Variants in TENM2 observed in about 807,000 individuals in gnomAD.
TENM2 encodes the protein teneurin-2.
A neutral mutation model predicts 245.2 loss-of-function variants in TENM2; 52 were observed. The ratio of observed to expected loss-of-function variants is 0.21; its 90% CI spans 0.17 to 0.27. The LOEUF is 0.27. Ranked by LOEUF, TENM2 falls within the 10% of genes least tolerant of loss-of-function variation. The probability of loss-of-function intolerance (pLI) is 1.00; values close to 1 mark genes in which losing one functional copy is unlikely to be tolerated. For missense variants in TENM2, 3,046 were observed against 3,666.8 expected, an observed-to-expected ratio of 0.83 and a Z score of 4.37; for synonymous variants, 1,363 against 1,438.9, an observed-to-expected ratio of 0.95 and a Z score of 1.19.
At chr5:167,481,647 A>G (rs1287027698) in intron 2 of TENM2, among the ~76,000 whole-genome samples, 1 of 152,176 alleles carries the variant, frequency 6.6e-6, no homozygotes, top group Non-Finnish European at 1.5e-5. Flanking sequence ...ATTTTCAAAG[A>G]TGAAATAAGT....
intron 2 of TENM2, among the ~76,000 whole-genome samples, chr5:167,772,889 C>T (rs1582970420): frequency 1.3e-5 from 2 of 152,238 alleles, no homozygotes; most frequent in East Asian, 3.9e-4. Context: ...TAATTCTTTT[C>T]TTTCCTCCAG....
the TENM2 span, among the ~76,000 whole-genome samples, chr5:167,012,566 A>G: frequency 1.3e-5 from 2 of 152,198 alleles, no homozygotes; most frequent in African/African-American, 4.8e-5. Flanking sequence ...GATCTGAGTA[A>G]TGAGATACAA....
rs563767796 is a variant in TENM2 at position 167,841,955 on chromosome 5, GTCTC to G, written c.503-34025_503-34022del. On this transcript the variant is annotated intron_variant, in intron 2 of 28. Coordinates refer to ENST00000518659, the Ensembl canonical transcript of TENM2. ...TATGTATGTATATTTATATGTTTTT[GTCTC>G]TCTCTATATATACACACACATACAT... Among the ~76,000 whole-genome samples the G allele has an allele frequency of 6.7e-3, 1,008 of 151,382 alleles. 8 individuals carry two copies. Among genetic ancestry groups the G allele is most frequent in the African/African-American group, 0.023 (947 of 41,226 alleles).
the TENM2 span, among the ~76,000 whole-genome samples, chr5:167,014,418 C>G: frequency 6.6e-6 from 1 of 151,870 alleles, no homozygotes; most frequent in South Asian, 2.1e-4. Context: ...CTTTTCCTAA[C>G]TATATTGTAA....
chr5:167,585,435 G>A (rs1278871957), intron 2 of TENM2, among the ~76,000 whole-genome samples: 7 of 152,200 alleles, frequency 4.6e-5, no homozygotes. Context: ...AATACAGATT[G>A]TCTGTTGAAT....
the TENM2 span, among the ~76,000 whole-genome samples, chr5:166,997,091 T>C: frequency 6.6e-6 from 1 of 152,128 alleles, no homozygotes; most frequent in Non-Finnish European, 1.5e-5. Flanking sequence ...GAAACATGTG[T>C]GTAATACTAT....
intron 5 of TENM2, among the ~76,000 whole-genome samples, chr5:168,033,959 A>G (rs1267447869): frequency 2.0e-5 from 3 of 151,588 alleles, no homozygotes; most frequent in African/African-American, 7.3e-5. Context: ...CCTGGGAGGC[A>G]GAGCTTACAG....
chr5:167,158,562 C>T, the TENM2 span, among the ~76,000 whole-genome samples: 464 of 152,256 alleles, frequency 3.0e-3, 3 homozygotes, highest in Non-Finnish European at 4.4e-3. Flanking sequence ...GAGAAGGCCA[C>T]GGTGCCAGCT....
intron 1 of TENM2, among the ~76,000 whole-genome samples, chr5:167,298,279 G>A (rs999330252): frequency 3.3e-5 from 5 of 152,182 alleles, no homozygotes; most frequent in Non-Finnish European, 7.3e-5. Flanking sequence ...AATTATTGGT[G>A]ATGGCCTGGA....
intron 1 of TENM2, among the ~76,000 whole-genome samples, chr5:167,354,871 C>T (rs1418008735): frequency 6.6e-6 from 1 of 152,058 alleles, no homozygotes. Context: ...CCTTTTCATC[C>T]CATCCTTTTA....
chr5:167,794,995 C>A (rs115712715), intron 2 of TENM2, among the ~76,000 whole-genome samples: 30 of 152,264 alleles, frequency 2.0e-4, no homozygotes, highest in African/African-American at 6.7e-4. Flanking sequence ...CTTTTCTATA[C>A]TCTAACATTA....
intron 7 of TENM2, among the ~76,000 whole-genome samples, chr5:168,072,514 C>T (rs1030798860): frequency 3.3e-5 from 5 of 152,136 alleles, no homozygotes; most frequent in Non-Finnish European, 7.3e-5. Context: ...TTAAAAGCAT[C>T]GGCTCTGCCT....
chr5:168,079,643 C>T (rs1206392997), intron 7 of TENM2, among the ~76,000 whole-genome samples: 9 of 151,946 alleles, frequency 5.9e-5, no homozygotes, highest in Admixed American at 3.3e-4. Flanking sequence ...GCATGAAGGG[C>T]TGTTGAATTT....
At chr5:167,924,518 G>A (rs1583383413) in intron 3 of TENM2, among the ~76,000 whole-genome samples, 1 of 152,174 alleles carries the variant, frequency 6.6e-6, no homozygotes, top group Non-Finnish European at 1.5e-5. Flanking sequence ...TCATGACATA[G>A]GTTAGCACTT....
At chr5:167,458,493 AC>A (rs374666798) in intron 2 of TENM2, among the ~76,000 whole-genome samples, 3,886 of 75,488 alleles carry the variant, frequency 0.051, 289 homozygotes, top group South Asian at 0.1. Flanking sequence ...TCTCAAAAAA[AC>A]AAAAAAAAAA....
chr5:167,961,152 T>G (rs1780983993), intron 4 of TENM2, among the ~76,000 whole-genome samples: 1 of 152,244 alleles, frequency 6.6e-6, no homozygotes, highest in Non-Finnish European at 1.5e-5. Flanking sequence ...TCGGCCATCT[T>G]GCCAGCCAGC....
At chr5:167,532,718 A>G (rs1299265147) in intron 2 of TENM2, among the ~76,000 whole-genome samples, 1 of 151,526 alleles carries the variant, frequency 6.6e-6, no homozygotes, top group Non-Finnish European at 1.5e-5. Flanking sequence ...ATATATGTAT[A>G]TATACACACA....
the TENM2 span, among the ~76,000 whole-genome samples, chr5:167,275,355 T>C: frequency 6.6e-6 from 1 of 152,104 alleles, no homozygotes; most frequent in African/African-American, 2.4e-5. Flanking sequence ...TCTTGTGCCT[T>C]TCTATATATA....
the TENM2 span, among the ~76,000 whole-genome samples, chr5:167,190,636 G>A: frequency 1.3e-5 from 2 of 152,018 alleles, no homozygotes; most frequent in Admixed American, 1.3e-4. Flanking sequence ...CATGGTATCA[G>A]GAGAAGAGAG....
Sources: allele counts gnomAD v4.1 joint callset (sites outside exome capture counted in the v4.1 genomes callset), GRCh38; gene constraint gnomAD v4.1.1; transcripts MANE v1.5; gene names NCBI Gene and HGNC (gene_info 2026-07-23, HGNC 2026-07-21).